Variants in PRKG1 observed in about 807,000 individuals in gnomAD.
PRKG1 encodes cGMP-dependent protein kinase 1.
PRKG1 carries 35 observed loss-of-function variants against 88.1 expected under a neutral mutation model. The observed-to-expected ratio is 0.40, with a 90% CI of 0.30 to 0.53. The LOEUF (loss-of-function observed/expected upper bound fraction) is 0.53. PRKG1 is among the 20% of genes least tolerant of loss of function. The pLI is 0.59. For missense variants in PRKG1, 540 were observed against 839.8 expected, an observed-to-expected ratio of 0.64 and a Z score of 4.41; for synonymous variants, 303 against 292.5, an observed-to-expected ratio of 1.04 and a Z score of -0.37.
At chr10:52,280,025 A>G (rs903651885) in intron 12 of PRKG1, among the ~76,000 whole-genome samples, 8 of 152,112 alleles carry the variant, frequency 5.3e-5, no homozygotes, top group Non-Finnish European at 1.2e-4. Context: ...ATCAACATAT[A>G]TATGCCCATA....
intron 3 of PRKG1, among the ~76,000 whole-genome samples, chr10:51,553,434 T>C (rs918178932): frequency 2.0e-5 from 3 of 151,632 alleles, no homozygotes; most frequent in African/African-American, 7.3e-5. Context: ...GGAAAAGAAT[T>C]GATTACATAG....
intron 2 of PRKG1, among the ~76,000 whole-genome samples, chr10:51,168,246 GT>G (rs928470035): frequency 1.8e-4 from 27 of 152,166 alleles, no homozygotes; most frequent in Admixed American, 1.4e-3. Flanking sequence ...ATACAGTGAA[GT>G]TTTTTAGAGG....
At chr10:51,504,788 A>G (rs1007740823) in intron 3 of PRKG1, among the ~76,000 whole-genome samples, 2 of 152,146 alleles carry the variant, frequency 1.3e-5, no homozygotes, top group East Asian at 1.9e-4. Flanking sequence ...TTATTGATGT[A>G]TAAGAATGCT....
intron 5 of PRKG1, among the ~76,000 whole-genome samples, chr10:51,973,382 T>A (rs1321955780): frequency 1.3e-5 from 2 of 152,176 alleles, no homozygotes; most frequent in Non-Finnish European, 2.9e-5. Context: ...ACCATCCTCC[T>A]TTTCATTCAG....
chr10:52,199,567 T>C (rs1351886134), intron 9 of PRKG1, among the ~76,000 whole-genome samples: 1 of 152,164 alleles, frequency 6.6e-6, no homozygotes, highest in Non-Finnish European at 1.5e-5. Context: ...GCAGAGATCT[T>C]CATGCTGAGA....
At chr10:51,047,955 T>A (rs1843512417) in intron 1 of PRKG1, among the ~76,000 whole-genome samples, 1 of 152,220 alleles carries the variant, frequency 6.6e-6, no homozygotes, top group Non-Finnish European at 1.5e-5. Flanking sequence ...TGTTAGTTTG[T>A]GAACCATGAT....
upstream of PRKG1, among the ~76,000 whole-genome samples, chr10:51,074,152 A>AG (rs1564589185): frequency 7.4e-6 from 1 of 135,766 alleles, no homozygotes; most frequent in African/African-American, 2.7e-5. Flanking sequence ...CGCGCCTCGG[A>AG]GGCTTATCAG....
chr10:51,634,354 A>T (rs1839601823), intron 3 of PRKG1, among the ~76,000 whole-genome samples: 2 of 152,162 alleles, frequency 1.3e-5, no homozygotes, highest in Admixed American at 6.5e-5. Flanking sequence ...ATTGGAAAGT[A>T]GGATACATGA....
In PRKG1 at chr10:50,991,695, A is replaced by T; in HGVS notation, c.266+51A>T. The T allele has an allele frequency of 7.6e-7, 1 of 1,320,636 alleles. No homozygotes were observed. The highest frequency in any genetic ancestry group is 1.7e-5 in the South Asian group (1 of 57,888). 81.8% of individuals were successfully genotyped at this position (1,320,636 alleles called of 1,614,324 possible). A position where few individuals can be genotyped will look rare whatever the true frequency, so the allele number is the denominator to read the frequency against. On this transcript the variant is annotated intron_variant, in intron 1 of 17. Coordinates refer to the PRKG1 transcript ENST00000401604. This position sits in a 1 kb window ranked among gnomAD's most constrained non-coding sequence, Gnocchi z 4.5. Reference sequence around the variant, plus strand: ...GCGCTCGTCCCGGCCCGCGGCGCAGAGGCTGGGGGCTCTGGCCGCGGCGGC... The same window carrying T: ...GCGCTCGTCCCGGCCCGCGGCGCAGTGGCTGGGGGCTCTGGCCGCGGCGGC...
At position 52,174,797 on chromosome 10, in the gene PRKG1, C is replaced by A. The variant is rs559675688; in HGVS notation, c.1076+12834C>A. The stretch of plus-strand genomic sequence containing the variant: ...TAGATAATGTTCAAAAATAGTATGA[C>A]CAAAGGCAAGACATATCTGCTTTAT... On this transcript the variant is annotated intron_variant, in intron 9 of 17. Coordinates refer to ENST00000373980, the MANE Select transcript of PRKG1 (RefSeq NM_006258.4). Among the ~76,000 whole-genome samples, 290 of 152,068 alleles carry A rather than the reference C, an allele frequency of 1.9e-3. 2 individuals carry two copies. The highest frequency in any genetic ancestry group is 3.4e-3 in the Non-Finnish European group (231 of 67,886).
rs141319333 is a variant in PRKG1 at position 51,617,727 on chromosome 10, C to T, written c.592+149891C>T. 6.0e-4 allele frequency among the ~76,000 whole-genome samples: 91 copies of T among 152,272 alleles called. 1 individual carries two copies. Among genetic ancestry groups the T allele is most frequent in the Non-Finnish European group, 1.1e-3 (77 of 68,014 alleles). On this transcript the variant is annotated intron_variant, in intron 3 of 17. Coordinates refer to ENST00000373980, the MANE Select transcript of PRKG1 (RefSeq NM_006258.4). Reference sequence around the variant, plus strand: ...TTCTATATTTGCACAATGATGAAATCGCCTAATGACACATTTCTCAGAATG... The same window carrying T: ...TTCTATATTTGCACAATGATGAAATTGCCTAATGACACATTTCTCAGAATG...
intron 4 of PRKG1, among the ~76,000 whole-genome samples, chr10:51,876,541 C>G (rs894468126): frequency 6.6e-6 from 1 of 152,158 alleles, no homozygotes; most frequent in African/African-American, 2.4e-5. Flanking sequence ...TTTTTAATAT[C>G]TATATAAGGC....
At chr10:51,391,897 C>T (rs533780592) in intron 2 of PRKG1, among the ~76,000 whole-genome samples, 10 of 152,280 alleles carry the variant, frequency 6.6e-5, no homozygotes, top group African/African-American at 2.2e-4. Context: ...AAAATAAATG[C>T]TCTTATTTTC....
At chr10:51,849,004 G>C (rs1840477823) in intron 4 of PRKG1, among the ~76,000 whole-genome samples, 1 of 152,036 alleles carries the variant, frequency 6.6e-6, no homozygotes, top group Non-Finnish European at 1.5e-5. Context: ...CAAAATCATA[G>C]TTTAGGTCCT....
intron 2 of PRKG1, among the ~76,000 whole-genome samples, chr10:51,178,284 T>C (rs1343076182): frequency 6.6e-6 from 1 of 152,174 alleles, no homozygotes; most frequent in Non-Finnish European, 1.5e-5. Context: ...GAAATAGTTG[T>C]AAATGAGGAA....
chr10:51,458,363 G>T (rs900225288), intron 2 of PRKG1, among the ~76,000 whole-genome samples: 1 of 151,862 alleles, frequency 6.6e-6, no homozygotes, highest in Non-Finnish European at 1.5e-5. Context: ...ACACAAGCAT[G>T]CTCACAGGAA....
chr10:51,580,509 G>A (rs1042683888), intron 3 of PRKG1, among the ~76,000 whole-genome samples: 26 of 151,946 alleles, frequency 1.7e-4, no homozygotes, highest in African/African-American at 6.3e-4. Flanking sequence ...ATTTTTCTGT[G>A]TTAAAATATT....
intron 1 of PRKG1, among the ~76,000 whole-genome samples, chr10:51,114,484 A>G (rs1328001463): frequency 6.6e-6 from 1 of 151,204 alleles, no homozygotes; most frequent in Non-Finnish European, 1.5e-5. Context: ...TAGAGGACAA[A>G]GTGTGAAGGG....
intron 4 of PRKG1, among the ~76,000 whole-genome samples, chr10:51,836,284 A>G (rs193029391): frequency 2.6e-4 from 39 of 152,298 alleles, no homozygotes; most frequent in Admixed American, 1.2e-3. Context: ...GGGAAAGGGC[A>G]GTCTCTTTAA....
Sources: gnomAD v4.1 joint callset for allele counts (sites outside exome capture counted in the v4.1 genomes callset) on GRCh38, gnomAD v4.1.1 for gene constraint, Gnocchi (gnomAD v3.1) non-coding constraint, MANE v1.5 for transcripts, NCBI Gene and HGNC (gene_info 2026-07-23, HGNC 2026-07-21) for gene names.